The following KCNH7 variants were observed in gnomAD, a reference collection of about 807,000 sequenced individuals.
KCNH7 encodes the protein potassium voltage-gated channel subfamily H member 7.
In KCNH7, 49 loss-of-function variants were observed where a neutral mutation model predicts 120.8. The ratio of observed to expected loss-of-function variants is 0.41; its 90% CI spans 0.32 to 0.51. The LOEUF is 0.51. Among genes scored for constraint, KCNH7 ranks in the 20% least tolerant of loss-of-function variants. The probability of loss-of-function intolerance (pLI) is 0.38; values close to 1 mark genes in which losing one functional copy is unlikely to be tolerated. For synonymous variants in KCNH7, 547 were observed against 516.1 expected (o/e 1.06, Z -0.81); for missense variants, 1,097 against 1,446.6 (o/e 0.76, Z 3.92).
chr2:162,392,280 GTGTGTGTGTGCGCATGTGTGTGTA>G (rs1193448502), intron 12 of KCNH7, among the ~76,000 whole-genome samples: 1 of 151,878 alleles, frequency 6.6e-6, no homozygotes, highest in African/African-American at 2.4e-5. Flanking sequence ...ATTCGTGTGT[GTGTGTGTGTGCGCATGTGTGTGTA>G]TGTGTGTGTT....
At chr2:162,833,295 TTC>T (rs1685543636) in intron 2 of KCNH7, among the ~76,000 whole-genome samples, 1 of 152,096 alleles carries the variant, frequency 6.6e-6, no homozygotes, top group South Asian at 2.1e-4. Context: ...TATTTTTTTT[TTC>T]TGTTTCCTTT....
intron 2 of KCNH7, among the ~76,000 whole-genome samples, chr2:162,619,604 A>G (rs1683274766): frequency 6.6e-6 from 1 of 152,094 alleles, no homozygotes; most frequent in African/African-American, 2.4e-5. Context: ...GAAGAAAATT[A>G]TATCTTTCTC....
intron 2 of KCNH7, among the ~76,000 whole-genome samples, chr2:162,549,767 T>C (rs1467985940): frequency 6.6e-6 from 1 of 152,206 alleles, no homozygotes; most frequent in Non-Finnish European, 1.5e-5. Context: ...TCATTTTCCT[T>C]ACTGTTGTTA....
At chr2:162,624,911 T>C (rs1683497486) in intron 2 of KCNH7, among the ~76,000 whole-genome samples, 3 of 146,016 alleles carry the variant, frequency 2.1e-5, no homozygotes, top group Admixed American at 6.9e-5. Context: ...TTTTTTTTTT[T>C]TTTGAGATGG....
intron 2 of KCNH7, chr2:162,785,078 G>A (rs558009500): frequency 6.6e-6 from 1 of 152,338 alleles, no homozygotes; most frequent in African/African-American, 2.4e-5. Context: ...TAATTCCTTA[G>A]ACCTCTGACA....
chr2:162,663,024 G>A (rs1685019058), intron 2 of KCNH7, among the ~76,000 whole-genome samples: 1 of 152,156 alleles, frequency 6.6e-6, no homozygotes, highest in Admixed American at 6.5e-5. Flanking sequence ...GGATATAAAA[G>A]TAAGGCTTCT....
chr2:162,730,029 C>T (rs528036266), intron 2 of KCNH7, among the ~76,000 whole-genome samples: 2 of 150,620 alleles, frequency 1.3e-5, no homozygotes, highest in Admixed American at 1.3e-4. Context: ...ACAGGTTGAT[C>T]TTAAAAAATA....
At chr2:162,732,415 A>G (rs1687762469) in intron 2 of KCNH7, among the ~76,000 whole-genome samples, 1 of 152,176 alleles carries the variant, frequency 6.6e-6, no homozygotes. Flanking sequence ...TCTTTCTTCA[A>G]AAGGTATACT....
At chr2:162,723,801 T>C (rs892604398) in intron 2 of KCNH7, among the ~76,000 whole-genome samples, 1 of 152,224 alleles carries the variant, frequency 6.6e-6, no homozygotes, top group Non-Finnish European at 1.5e-5. Flanking sequence ...AGGAATTCTT[T>C]TAAAAAGTAT....
At chr2:162,741,593 T>TA (rs1303143065) in intron 2 of KCNH7, among the ~76,000 whole-genome samples, 1 of 152,102 alleles carries the variant, frequency 6.6e-6, no homozygotes. Flanking sequence ...GTCAACAGCC[T>TA]GGTAATTGAT....
intron 1 of KCNH7, 126 bp downstream of exon 1, chr2:162,838,317 C>T (rs1167524057): frequency 7.2e-6 from 5 of 698,508 alleles, no homozygotes; most frequent in Non-Finnish European, 1.3e-5. Context: ...CCTCCTGGCT[C>T]GGTTTCACAG....
chr2:162,588,564 CTA>C (rs2105928924), intron 2 of KCNH7, among the ~76,000 whole-genome samples: 2 of 152,024 alleles, frequency 1.3e-5, no homozygotes, highest in South Asian at 4.1e-4. Flanking sequence ...TTGTTATATT[CTA>C]GATTCATTTT....
chr2:162,650,878 C>G (rs1291602074), intron 2 of KCNH7, among the ~76,000 whole-genome samples: 1 of 152,182 alleles, frequency 6.6e-6, no homozygotes, highest in Non-Finnish European at 1.5e-5. Flanking sequence ...TGTGAACTCA[C>G]TGAGGCTCTG....
At position 162,577,053 on chromosome 2, in the gene KCNH7, C is replaced by T. The variant is rs575878140; in HGVS notation, c.308-39973G>A. The stretch of plus-strand genomic sequence containing the variant: ...GCCTCAATCTTCTGAGTAGCTGGGA[C>T]TATAGGTGCACACCACCATGCCCAG... On this transcript the variant is annotated intron_variant, in intron 2 of 15. Coordinates refer to ENST00000332142, the MANE Select transcript of KCNH7 (RefSeq NM_033272.4). Among the ~76,000 whole-genome samples the T allele has an allele frequency of 2.0e-5, 3 of 151,832 alleles. No individual in the cohort carries two copies. The South Asian group carries it at 6.2e-4, about 32-fold the overall frequency.
intron 2 of KCNH7, among the ~76,000 whole-genome samples, chr2:162,649,197 G>T (rs1481996980): frequency 6.6e-6 from 1 of 152,150 alleles, no homozygotes; most frequent in Non-Finnish European, 1.5e-5. Context: ...CAGAGAAAGA[G>T]CATGTTCTTT....
intron 6 of KCNH7, among the ~76,000 whole-genome samples, chr2:162,472,726 A>C (rs981583334): frequency 1.3e-5 from 2 of 152,226 alleles, no homozygotes; most frequent in Non-Finnish European, 2.9e-5. Flanking sequence ...TGACCCAGCC[A>C]TCCCATTACT....
intron 2 of KCNH7, among the ~76,000 whole-genome samples, chr2:162,556,607 A>C (rs1011160420): frequency 6.6e-6 from 1 of 152,360 alleles, no homozygotes; most frequent in African/African-American, 2.4e-5. Context: ...ATTATTTAAA[A>C]TGTAGGAGAA....
At chr2:162,646,520 A>T (rs1242049998) in intron 2 of KCNH7, among the ~76,000 whole-genome samples, 1 of 152,240 alleles carries the variant, frequency 6.6e-6, no homozygotes, top group Non-Finnish European at 1.5e-5. Context: ...ATAGCTAAGC[A>T]TAGCTAACCT....
intron 2 of KCNH7, among the ~76,000 whole-genome samples, chr2:162,751,346 A>C (rs2105431370): frequency 6.6e-6 from 1 of 152,290 alleles, no homozygotes; most frequent in Middle Eastern, 3.4e-3. Flanking sequence ...TTAGAGAAGT[A>C]ATTTACTAAT....
Sources: gnomAD v4.1 joint callset for allele counts (sites outside exome capture counted in the v4.1 genomes callset) on GRCh38, gnomAD v4.1.1 for gene constraint, MANE v1.5 for transcripts, NCBI Gene and HGNC (gene_info 2026-07-23, HGNC 2026-07-21) for gene names.